The following ASH1L variants were observed in gnomAD, a reference collection of about 807,000 sequenced individuals.
The protein encoded by ASH1L is ASH1 like histone lysine methyltransferase.
A neutral mutation model predicts 269.0 loss-of-function variants in ASH1L; 23 were observed. The ratio of observed to expected loss-of-function variants is 0.09; its 90% CI spans 0.06 to 0.12. ASH1L has a LOEUF of 0.12. Among genes scored for constraint, ASH1L ranks in the 10% least tolerant of loss-of-function variants. The pLI is 1.00. For missense variants in ASH1L, 2,912 were observed against 3,567.8 expected, an observed-to-expected ratio of 0.82 and a Z score of 4.68; for synonymous variants, 1,187 against 1,253.5, an observed-to-expected ratio of 0.95 and a Z score of 1.12.
intron 2 of ASH1L, among the ~76,000 whole-genome samples, chr1:155,510,866 G>A (rs867814866): frequency 1.5e-4 from 23 of 151,748 alleles, no homozygotes; most frequent in African/African-American, 3.9e-4. Flanking sequence ...AACATATACA[G>A]AACAAAAATT....
At chr1:155,454,568 G>A (rs1663740973) in intron 4 of ASH1L, among the ~76,000 whole-genome samples, 1 of 152,210 alleles carries the variant, frequency 6.6e-6, no homozygotes, top group East Asian at 1.9e-4. Flanking sequence ...AGGAGTTCGA[G>A]ACCAGCCTGG....
At chr1:155,416,504 C>T (rs1341077854) in intron 5 of ASH1L, among the ~76,000 whole-genome samples, 2 of 151,954 alleles carry the variant, frequency 1.3e-5, no homozygotes, top group Non-Finnish European at 2.9e-5. Context: ...GAAAAAAATG[C>T]GGTGAGTCAC....
In ASH1L at chr1:155,337,366, A is replaced by C. The variant is rs1465872910; in HGVS notation, c.*294T>G. 1 of 227,968 alleles carries C rather than the reference A, an allele frequency of 4.4e-6. No homozygotes were observed. The highest frequency in any genetic ancestry group is 5.4e-5 in the Admixed American group (1 of 18,630). 14.1% of individuals were successfully genotyped at this position (227,968 alleles called of 1,614,324 possible). On this transcript the variant is annotated 3_prime_UTR_variant, in exon 28 of 28. Coordinates refer to ENST00000392403, the MANE Select transcript of ASH1L (RefSeq NM_018489.3). Reference sequence around the variant, plus strand: ...AGCTGTGGGGTGGGGCAAATGCTATAAAGTACCAGTAGGTTCTGGTCATCA... The same window carrying C: ...AGCTGTGGGGTGGGGCAAATGCTATCAAGTACCAGTAGGTTCTGGTCATCA...
chr1:155,474,191 T>A lies in ASH1L; in HGVS notation c.4984+3695A>T, dbSNP rs186091808. Among the ~76,000 whole-genome samples, 7 of 152,312 alleles carry A rather than the reference T, an allele frequency of 4.6e-5. No individual in the cohort carries two copies. In the East Asian group the frequency reaches 1.2e-3, roughly 25 times the overall value. On this transcript the variant is annotated intron_variant, in intron 3 of 27. Transcript: ENST00000392403. ...TTATTACTTTTCTTGATGCTCTGCT[T>A]ATAAAGTTGCACAGGTTTTTGAGAG...
At position 155,348,740 on chromosome 1, in the gene ASH1L, G is replaced by T. The variant is rs561351580; in HGVS notation, c.7554+587C>A. ...CTACTAAAAATACAAAATTAGCCAG[G>T]CATGGTGGCAGGCGCCTATAATCCC... On this transcript the variant is annotated intron_variant, in intron 19 of 27. Transcript: ENST00000392403. Among the ~76,000 whole-genome samples, 5 of 152,128 alleles carry T rather than the reference G, an allele frequency of 3.3e-5. No homozygotes were observed. The South Asian group carries it at 8.3e-4, about 25-fold the overall frequency.
At chr1:155,540,400 C>T (rs949656731) in intron 1 of ASH1L, among the ~76,000 whole-genome samples, 1 of 152,160 alleles carries the variant, frequency 6.6e-6, no homozygotes, top group Non-Finnish European at 1.5e-5. Context: ...TTGTTAACTG[C>T]CCCTACATAT....
chr1:155,474,989 T>C (rs1042387654), intron 3 of ASH1L, among the ~76,000 whole-genome samples: 6 of 152,206 alleles, frequency 3.9e-5, no homozygotes, highest in African/African-American at 7.2e-5. Context: ...TAATATAAAA[T>C]CCAAAATTCT....
chr1:155,416,003 AC>A lies in ASH1L; in HGVS notation c.5829-81del, dbSNP rs928117600. 159 of 1,193,424 alleles carry A rather than the reference AC, an allele frequency of 1.3e-4. 1 individual carries two copies. In the African/African-American group the frequency reaches 2.4e-3, roughly 18 times the overall value. 73.9% of individuals were successfully genotyped at this position (1,193,424 alleles called of 1,614,324 possible). On this transcript the variant is annotated intron_variant, in intron 5 of 27. Transcript: ENST00000392403. The stretch of plus-strand genomic sequence containing the variant: ...ATAATTGTCTACTTAAAAAAAAAAA[AC>A]CATAGCAATTAAAAAAAGAGATATG...
chr1:155,519,461 A>C (rs999147962), intron 2 of ASH1L, among the ~76,000 whole-genome samples: 1 of 152,228 alleles, frequency 6.6e-6, no homozygotes, highest in Middle Eastern at 3.4e-3. Flanking sequence ...TAAATAAATA[A>C]AAATAAAGTG....
chr1:155,357,782 AT>A (rs1216959940), intron 13 of ASH1L, 33 bp from the exon 14 acceptor site: 15 of 1,580,146 alleles, frequency 9.5e-6, no homozygotes, highest in Non-Finnish European at 1.7e-6. Context: ...TTTTATTTTT[AT>A]TTTTTTAAGG....
intron 6 of ASH1L, among the ~76,000 whole-genome samples, chr1:155,398,178 C>G (rs888209090): frequency 1.3e-5 from 2 of 152,088 alleles, no homozygotes; most frequent in Non-Finnish European, 2.9e-5. Flanking sequence ...CACTCAAACG[C>G]AGATATATGT....
chr1:155,535,676 C>T (rs1670004988), intron 1 of ASH1L, among the ~76,000 whole-genome samples: 2 of 150,632 alleles, frequency 1.3e-5, no homozygotes, highest in South Asian at 2.1e-4. Flanking sequence ...TATAAATTAG[C>T]GACACAAGAT....
chr1:155,435,135 G>A (rs1033913750), intron 5 of ASH1L, among the ~76,000 whole-genome samples: 1 of 152,196 alleles, frequency 6.6e-6, no homozygotes, highest in African/African-American at 2.4e-5. Context: ...TCCAGCCTGG[G>A]TGACTCGGTC....
At chr1:155,382,558 G>C (rs184823251) in intron 7 of ASH1L, among the ~76,000 whole-genome samples, 1 of 152,224 alleles carries the variant, frequency 6.6e-6, no homozygotes, top group East Asian at 1.9e-4. Context: ...GTCTTAGGCA[G>C]ATCCTTCAGG....
At chr1:155,431,126 G>A (rs1455321482) in intron 5 of ASH1L, among the ~76,000 whole-genome samples, 2 of 151,890 alleles carry the variant, frequency 1.3e-5, no homozygotes, top group Admixed American at 1.3e-4. Context: ...CAGGAAAATC[G>A]CTAGAACCCA....
chr1:155,361,851 CA>C (rs1654976906), intron 12 of ASH1L, among the ~76,000 whole-genome samples: 1 of 120,372 alleles, frequency 8.3e-6, no homozygotes, highest in Non-Finnish European at 1.6e-5. Flanking sequence ...CCAGCCTAGG[CA>C]ACAGAGCGAG....
chr1:155,513,190 T>C (rs752492195), intron 2 of ASH1L, among the ~76,000 whole-genome samples: 7 of 152,154 alleles, frequency 4.6e-5, no homozygotes, highest in Non-Finnish European at 8.8e-5. Context: ...ACCAGAATAC[T>C]TGTGAGTTCC....
At chr1:155,473,001 T>A (rs1189048043) in intron 3 of ASH1L, among the ~76,000 whole-genome samples, 1 of 152,240 alleles carries the variant, frequency 6.6e-6, no homozygotes, top group Middle Eastern at 3.2e-3. Context: ...CACAAAGGTA[T>A]ACAGTATGTT....
chr1:155,424,977 T>TG (rs201694552), intron 5 of ASH1L, among the ~76,000 whole-genome samples: 5 of 151,506 alleles, frequency 3.3e-5, no homozygotes, highest in East Asian at 3.9e-4. Flanking sequence ...CTAGTTTTTG[T>TG]GTTTTTTTTT....
Sources: allele counts gnomAD v4.1 joint callset (sites outside exome capture counted in the v4.1 genomes callset), GRCh38; gene constraint gnomAD v4.1.1; transcripts MANE v1.5; gene names NCBI Gene and HGNC (gene_info 2026-07-23, HGNC 2026-07-21).